The following TRIT1 variants were observed in gnomAD, a reference collection of about 807,000 sequenced individuals.
TRIT1 encodes the protein tRNA dimethylallyltransferase.
Under a neutral mutation model 51.2 loss-of-function variants are expected in TRIT1, and 43 were observed. The observed-to-expected ratio is 0.84, with a 90% CI of 0.66 to 1.08. TRIT1 has a LOEUF of 1.08. TRIT1 is among the 50% of genes least tolerant of loss of function. The pLI, the probability that TRIT1 is intolerant of heterozygous loss-of-function variation, is 0.00. For missense variants in TRIT1, 528 were observed against 578.4 expected, an observed-to-expected ratio of 0.91 and a Z score of 0.89; for synonymous variants, 184 against 203.9, an observed-to-expected ratio of 0.90 and a Z score of 0.83.
chr1:39,883,374 C>T lies in TRIT1; in HGVS notation c.118G>A (p.Ala40Thr), dbSNP rs2124702396. The T allele has an allele frequency of 6.2e-7, 1 of 1,613,446 alleles. No individual in the cohort carries two copies. The change falls in exon 1 of 11, where the codon GCG becomes ACG. Residue 40 changes from alanine (A) to threonine (T), a missense_variant. By Grantham distance (58) the Ala-to-Thr change is moderately conservative. This residue lies in a region of TRIT1 where 5 missense variants were observed against 18.9 expected (regional missense o/e 0.26). Coordinates refer to ENST00000316891, the MANE Select transcript of TRIT1 (RefSeq NM_017646.6). ...CCGAGCCGCTGGCCTAGCTGCAACGCCAGCGTGGATTTGCCGGTGCCCGTG... is the reference window on the plus strand; with the variant it reads ...CCGAGCCGCTGGCCTAGCTGCAACGTCAGCGTGGATTTGCCGGTGCCCGTG... Reference protein sequence around the residue: ...GATGTGKSTLALQLGQRLGGE... With the variant: ...GATGTGKSTLTLQLGQRLGGE...
intron 1 of TRIT1, among the ~76,000 whole-genome samples, chr1:39,860,793 A>T (rs1232039782): frequency 6.6e-6 from 1 of 152,178 alleles, no homozygotes; most frequent in Non-Finnish European, 1.5e-5. Flanking sequence ...AGTTTATTTT[A>T]AAAAAGCCGC....
At chr1:39,865,499 A>T (rs1306222812) in intron 1 of TRIT1, among the ~76,000 whole-genome samples, 1 of 152,148 alleles carries the variant, frequency 6.6e-6, no homozygotes, top group African/African-American at 2.4e-5. Flanking sequence ...TCTAGTGGAC[A>T]TTCCATCATT....
rs376141870 is a variant in TRIT1 at position 39,862,932 on chromosome 1, T to G, written c.175-5515A>C. On this transcript the variant is annotated intron_variant, in intron 1 of 10. Transcript: ENST00000316891. ...TTCCCCTTCTCCCAAAGGATACTTG[T>G]GATCTGTGTGCATGGAAATGATTTG... is the stretch of plus-strand genomic sequence containing the variant. The G allele has an allele frequency of 2.1e-5, 21 of 985,332 alleles. No homozygotes were observed. In the East Asian group the frequency reaches 5.7e-4, roughly 27 times the overall value. 61.0% of individuals were successfully genotyped at this position (985,332 alleles called of 1,614,324 possible).
At position 39,842,606 on chromosome 1, in the gene TRIT1, T is replaced by C. The variant is rs1367790713; in HGVS notation, c.1235-693A>G. Among the ~76,000 whole-genome samples, 7 of 152,324 alleles carry C rather than the reference T, an allele frequency of 4.6e-5. No homozygotes were observed. In the South Asian group the frequency reaches 8.3e-4, roughly 18 times the overall value. The stretch of plus-strand genomic sequence containing the variant: ...GCTTTAGGGCCACTGTTGCCTGCTA[T>C]CAACTGCTGACCTGTCACCCCTAAG... On this transcript the variant is annotated intron_variant, in intron 10 of 10. Coordinates refer to ENST00000316891, the MANE Select transcript of TRIT1 (RefSeq NM_017646.6).
At chr1:39,881,292 T>C (rs536415049) in intron 1 of TRIT1, among the ~76,000 whole-genome samples, 1 of 151,746 alleles carries the variant, frequency 6.6e-6, no homozygotes, top group African/African-American at 2.4e-5. Flanking sequence ...ACCTTAGGTG[T>C]CATCAGTGTA....
intron 1 of TRIT1, among the ~76,000 whole-genome samples, chr1:39,882,128 G>A (rs1335227136): frequency 6.6e-6 from 1 of 152,244 alleles, no homozygotes; most frequent in African/African-American, 2.4e-5. Context: ...ACAAAGGCAT[G>A]AAGAGGTTAG....
rs1398130856 is a variant in TRIT1, at chr1:39,840,664, A to T, written c.*1080T>A. ...AATGGGGAGTTAACGCTTAAAGGGC[A>T]CAAAGTTTGTTTGGAGTGACAAAAA... On this transcript the variant is annotated 3_prime_UTR_variant, in exon 11 of 11. Transcript: ENST00000316891. 6.6e-6 allele frequency among the ~76,000 whole-genome samples: 1 copy of T among 152,246 alleles called. No homozygotes were observed. Among genetic ancestry groups the T allele is most frequent in the African/African-American group, 2.4e-5 (1 of 41,466 alleles).
chr1:39,881,273 T>C (rs1413116395), intron 1 of TRIT1, among the ~76,000 whole-genome samples: 2 of 151,310 alleles, frequency 1.3e-5, no homozygotes, highest in Non-Finnish European at 2.9e-5. Context: ...AACATAAATA[T>C]TGGCATGGAC....
At position 39,850,226 on chromosome 1, in the gene TRIT1, T is replaced by G; in HGVS notation, c.596A>C (p.His199Pro). The G allele has an allele frequency of 6.2e-7, 1 of 1,614,192 alleles. No individual in the cohort carries two copies. The highest frequency in any genetic ancestry group is 1.3e-5 in the African/African-American group (1 of 75,060). Reference sequence around the variant, plus strand: ...ATGTTGACGATGGAGAAATTCACTATGAGAGATTCCTGTTTCTTCAAAAAC... The same window carrying G: ...ATGTTGACGATGGAGAAATTCACTAGGAGAGATTCCTGTTTCTTCAAAAAC... ...LQVFEETGISHSEFLHRQHTE... is the reference protein window; with the variant it reads ...LQVFEETGISPSEFLHRQHTE... The change falls in exon 5 of 11, where the codon CAT (histidine) becomes CCT (proline). Residue 199 changes from histidine (H) to proline (P), a missense_variant. His to Pro is a moderately conservative substitution (Grantham distance 77, BLOSUM62 -2). Coordinates refer to ENST00000316891, the MANE Select transcript of TRIT1 (RefSeq NM_017646.6).
At chr1:39,847,359 G>C in intron 7 of TRIT1, 62 bp from the exon 8 acceptor site, 1 of 1,542,848 alleles carries the variant, frequency 6.5e-7, no homozygotes, top group Non-Finnish European at 8.9e-7. Context: ...CAGAGAGGCA[G>C]GCCCTCCCAG....
chr1:39,841,848 CAGCATCTG>C lies in TRIT1; in HGVS notation c.1292_1299del (p.Ser431CysfsTer14). The C allele has an allele frequency of 6.2e-7, 1 of 1,614,064 alleles. No individual in the cohort carries two copies. The highest frequency in any genetic ancestry group is 1.1e-5 in the South Asian group (1 of 91,066). On this transcript the variant is annotated frameshift_variant, in exon 11 of 11. Transcript: ENST00000316891. LOFTEE classifies it low-confidence loss of function (END_TRUNC). Reference sequence around the variant, plus strand: ...ACACTCTGACTTTCTATGGTGTTGACAGCATCTGAGTCCAATCTTCTTCTTTTCTTCAG... The same window carrying C: ...ACACTCTGACTTTCTATGGTGTTGACAGTCCAATCTTCTTCTTTTCTTCAG...
At chr1:39,857,533 G>A in intron 1 of TRIT1, 116 bp from the exon 2 acceptor site, 1 of 1,166,846 alleles carries the variant, frequency 8.6e-7, no homozygotes, top group Non-Finnish European at 1.2e-6. Context: ...CTGACCCAAA[G>A]CACCAGGGTA....
intron 1 of TRIT1, among the ~76,000 whole-genome samples, chr1:39,873,770 TC>T (rs2124676196): frequency 6.6e-6 from 1 of 152,282 alleles, no homozygotes; most frequent in Non-Finnish European, 1.5e-5. Context: ...ACACCTGTAA[TC>T]CCAGCACTTT....
intron 1 of TRIT1, among the ~76,000 whole-genome samples, chr1:39,873,814 G>A (rs915313556): frequency 4.6e-5 from 7 of 151,996 alleles, no homozygotes; most frequent in Non-Finnish European, 8.8e-5. Context: ...ACCTGAGGTC[G>A]GGAGTTCGAG....
intron 1 of TRIT1, among the ~76,000 whole-genome samples, chr1:39,859,549 C>T (rs1340525581): frequency 6.7e-6 from 1 of 149,364 alleles, no homozygotes; most frequent in South Asian, 2.1e-4. Context: ...TACCACTGCA[C>T]TCCAGCCTGG....
In TRIT1 at chr1:39,844,534, G is replaced by A. The variant is rs1438101399; in HGVS notation, c.1113C>T (p.Ile371=). ...EPALEIVQSF[I]QGHKPTATPI... ...ATGTATCATGATTCATAATTACCTG[G>A]ATGAAACTTTGCACGATTTCAAGAG... is the stretch of plus-strand genomic sequence containing the variant. The change falls in exon 9 of 11, where the codon ATC becomes ATT. Residue 371 remains isoleucine (I), a synonymous_variant. Coordinates refer to ENST00000316891, the MANE Select transcript of TRIT1 (RefSeq NM_017646.6). 1 of 1,611,602 alleles carries A rather than the reference G, an allele frequency of 6.2e-7. No homozygotes were observed. The highest frequency in any genetic ancestry group is 8.5e-7 in the Non-Finnish European group (1 of 1,177,712).
At chr1:39,859,645 CTG>C (rs1643127450) in intron 1 of TRIT1, among the ~76,000 whole-genome samples, 1 of 151,834 alleles carries the variant, frequency 6.6e-6, no homozygotes, top group Non-Finnish European at 1.5e-5. Flanking sequence ...TTAATAATAA[CTG>C]TTTATTCCTC....
At chr1:39,851,733 A>G (rs1260422857) in intron 4 of TRIT1, among the ~76,000 whole-genome samples, 1 of 151,980 alleles carries the variant, frequency 6.6e-6, no homozygotes, top group African/African-American at 2.4e-5. Flanking sequence ...GCTTGAGCCT[A>G]GGAGTTTGGA....
intron 4 of TRIT1, 147 bp downstream of exon 4, chr1:39,852,583 CA>C: frequency 1.1e-6 from 1 of 915,904 alleles, no homozygotes; most frequent in Admixed American, 2.4e-5. Context: ...AGCAATAACT[CA>C]GGGCCTCCCA....
Sources: gnomAD v4.1 joint callset for allele counts (sites outside exome capture counted in the v4.1 genomes callset) on GRCh38, gnomAD v4.1.1 for gene constraint, gnomAD v4.1.1 regional missense constraint, MANE v1.5 for transcripts, NCBI Gene and HGNC (gene_info 2026-07-23, HGNC 2026-07-21) for gene names.